ZRANB1: variants seen among roughly 807,000 people sequenced by gnomAD.
ZRANB1 encodes ubiquitin thioesterase ZRANB1.
In ZRANB1, 16 loss-of-function variants were observed where a neutral mutation model predicts 80.5. The observed-to-expected ratio is 0.20, with a 90% CI of 0.13 to 0.30. The LOEUF is 0.30. Among genes scored for constraint, ZRANB1 ranks in the 10% least tolerant of loss-of-function variants. ZRANB1 has a pLI of 1.00. For synonymous variants in ZRANB1, 291 were observed against 293.1 expected (o/e 0.99, Z 0.07); for missense variants, 576 against 862.6 (o/e 0.67, Z 4.16).
intron 2 of ZRANB1, among the ~76,000 whole-genome samples, chr10:124,968,143 C>T (rs1023587702): frequency 5.3e-5 from 8 of 152,056 alleles, no homozygotes; most frequent in East Asian, 1.9e-4. Flanking sequence ...GTGATCTGCC[C>T]GCCTCGGCCC....
intron 1 of ZRANB1, among the ~76,000 whole-genome samples, chr10:124,954,479 GCT>G (rs1422233193): frequency 7.8e-6 from 1 of 127,952 alleles, no homozygotes; most frequent in African/African-American, 2.9e-5. Context: ...ACAGGGTCTT[GCT>G]CTGTTGTCCA....
At chr10:124,919,490 C>T in the ZRANB1 span, among the ~76,000 whole-genome samples, 4 of 150,718 alleles carry the variant, frequency 2.7e-5, no homozygotes, top group African/African-American at 4.9e-5. Context: ...GAGGTTGCTG[C>T]GAGCCGAGAT....
chr10:124,976,015 G>A (rs533700235), intron 5 of ZRANB1, among the ~76,000 whole-genome samples: 2 of 152,240 alleles, frequency 1.3e-5, no homozygotes, highest in South Asian at 4.1e-4. Flanking sequence ...GGGGAGCGGA[G>A]GGGGAAGCAT....
At chr10:124,938,479 A>G (rs1041333169), upstream of ZRANB1, among the ~76,000 whole-genome samples, 10 of 151,930 alleles carry the variant, frequency 6.6e-5, 1 homozygote, top group Non-Finnish European at 1.5e-4. Context: ...GGCATGTGCC[A>G]CCACCCTGGG....
intron 1 of ZRANB1, among the ~76,000 whole-genome samples, chr10:124,952,644 C>A (rs189591977): frequency 7.5e-4 from 114 of 151,532 alleles, no homozygotes; most frequent in African/African-American, 2.8e-3. Context: ...AGTTTTCGCT[C>A]TTGTTGCCTA....
chr10:124,954,122 C>T (rs1468677689), intron 1 of ZRANB1, among the ~76,000 whole-genome samples: 1 of 149,570 alleles, frequency 6.7e-6, no homozygotes, highest in Non-Finnish European at 1.5e-5. Flanking sequence ...AGTGCACCAC[C>T]ATCCCCAGCT....
the ZRANB1 span, among the ~76,000 whole-genome samples, chr10:124,922,873 C>G: frequency 6.6e-6 from 1 of 152,164 alleles, no homozygotes; most frequent in East Asian, 1.9e-4. Context: ...AAATAAACTA[C>G]TACCCAGGCG....
chr10:124,978,361 A>G (rs1172755499), intron 5 of ZRANB1, among the ~76,000 whole-genome samples: 1 of 152,160 alleles, frequency 6.6e-6, no homozygotes, highest in Non-Finnish European at 1.5e-5. Flanking sequence ...TGTTTTCTTA[A>G]GTCATATAAG....
At chr10:124,969,932 G>C (rs1376750209) in intron 2 of ZRANB1, among the ~76,000 whole-genome samples, 2 of 152,076 alleles carry the variant, frequency 1.3e-5, no homozygotes, top group Non-Finnish European at 2.9e-5. Context: ...GGGTTGTTTG[G>C]GGGCTAAGTT....
At chr10:124,943,543 GTGTA>G (rs1293053135) in intron 1 of ZRANB1, among the ~76,000 whole-genome samples, 2 of 149,410 alleles carry the variant, frequency 1.3e-5, no homozygotes, top group South Asian at 2.1e-4. Context: ...GTGTGTGTGT[GTGTA>G]TATATATATG....
intron 1 of ZRANB1, among the ~76,000 whole-genome samples, chr10:124,964,931 C>CTATA (rs1312804533): frequency 6.6e-6 from 1 of 152,194 alleles, no homozygotes; most frequent in Admixed American, 6.5e-5. Context: ...CCCTACCAGA[C>CTATA]TATACTTAAT....
In ZRANB1 at chr10:124,984,990, T is replaced by TA; in HGVS notation, c.2125_2126insA (p.Ter709=). ...GEEDEDDEDE[*] ...GGAAGATGAGGATGATGAAGATGAA[T>TA]GAAAAAAAAAATCAAACAGCAGAAG... The change falls in exon 9 of 9, where the codon TGA becomes TAGA. Residue 709 remains the stop codon, a frameshift_variant and stop_retained_variant. Coordinates refer to ENST00000359653, the MANE Select transcript of ZRANB1 (RefSeq NM_017580.3). LOFTEE classifies it high-confidence loss of function. 6.3e-7 allele frequency: 1 copy of TA among 1,582,572 alleles called. No homozygotes were observed. The highest frequency in any genetic ancestry group is 1.8e-5 in the Admixed American group (1 of 54,420).
rs1952030856 is a variant in ZRANB1 at position 124,986,227 on chromosome 10, A to C, written c.*1235A>C. 1 of 152,340 alleles carries C rather than the reference A, an allele frequency of 6.6e-6. No homozygotes were observed. The allele number at this position is 152,340 out of a possible 1,614,324, so 9.4% of individuals were successfully genotyped here. ...CACAGAAATATTTGGTGTCCTGATA[A>C]GCACTTTCTAGACTATTGATGTGGC... On this transcript the variant is annotated 3_prime_UTR_variant, in exon 9 of 9. Transcript: ENST00000359653.
chr10:124,949,249 G>T (rs1010954702), intron 1 of ZRANB1, among the ~76,000 whole-genome samples: 2 of 151,834 alleles, frequency 1.3e-5, no homozygotes, highest in African/African-American at 4.8e-5. Context: ...ATTTTATTCA[G>T]TTGTCATTGG....
chr10:124,962,429 T>A, intron 1 of ZRANB1: 1 of 982,672 alleles, frequency 1.0e-6, no homozygotes, highest in Non-Finnish European at 1.2e-6. Context: ...GCTTTTTTTT[T>A]ACCATTTGGC....
the ZRANB1 span, among the ~76,000 whole-genome samples, chr10:124,934,534 C>T: frequency 6.6e-5 from 10 of 152,084 alleles, no homozygotes; most frequent in East Asian, 1.9e-4. Context: ...AGAGCAGTGA[C>T]GAAAGGAACA....
chr10:124,958,040 T>G (rs1476978152), intron 1 of ZRANB1, among the ~76,000 whole-genome samples: 6 of 152,220 alleles, frequency 3.9e-5, no homozygotes, highest in African/African-American at 1.4e-4. Context: ...AGAATTTCCT[T>G]CCTTTTTGAG....
In ZRANB1 at chr10:124,942,338, T is replaced by A; in HGVS notation, c.-156T>A. On this transcript the variant is annotated 5_prime_UTR_variant, in exon 1 of 9. It removes an upstream start codon present in the reference 5' UTR. Coordinates refer to ENST00000359653, the MANE Select transcript of ZRANB1 (RefSeq NM_017580.3). ...AAATTAGGATAATTCAATGTCGAAA[T>A]GTTGCATGCATCTTTTGAGAAATTT... The A allele has an allele frequency of 2.1e-6, 3 of 1,432,408 alleles. No individual in the cohort carries two copies. Among genetic ancestry groups the A allele is most frequent in the Non-Finnish European group, 2.7e-6 (3 of 1,097,752 alleles). 88.7% of individuals were successfully genotyped at this position (1,432,408 alleles called of 1,614,324 possible).
chr10:124,980,185 A>T (rs1951920061), intron 5 of ZRANB1, among the ~76,000 whole-genome samples: 1 of 152,176 alleles, frequency 6.6e-6, no homozygotes, highest in Admixed American at 6.5e-5. Flanking sequence ...TGAGTTTTGA[A>T]TGTTAAACCA....
Sources: allele counts gnomAD v4.1 joint callset (sites outside exome capture counted in the v4.1 genomes callset), GRCh38; gene constraint gnomAD v4.1.1; transcripts MANE v1.5; gene names NCBI Gene and HGNC (gene_info 2026-07-23, HGNC 2026-07-21).